The following MCCC2 variants were observed in gnomAD, a reference collection of about 807,000 sequenced individuals.
MCCC2 encodes methylcrotonoyl-CoA carboxylase beta chain, mitochondrial.
A neutral mutation model predicts 77.2 loss-of-function variants in MCCC2; 52 were observed. That is an observed-to-expected ratio of 0.67 (90% CI 0.54 to 0.85). The LOEUF is 0.85. MCCC2 is among the 40% of genes least tolerant of loss of function. MCCC2 has a pLI of 0.00. For missense variants in MCCC2, 682 were observed against 703.2 expected, an observed-to-expected ratio of 0.97 and a Z score of 0.34; for synonymous variants, 253 against 248.4, an observed-to-expected ratio of 1.02 and a Z score of -0.18.
At chr5:71,634,051 A>G (rs1580318961) in intron 8 of MCCC2, among the ~76,000 whole-genome samples, 1 of 152,216 alleles carries the variant, frequency 6.6e-6, no homozygotes, top group Non-Finnish European at 1.5e-5. Flanking sequence ...ATGTCTCCCA[A>G]GGAGTTTGGT....
intron 12 of MCCC2, 100 bp downstream of exon 12, chr5:71,643,995 C>T: frequency 7.0e-7 from 1 of 1,419,596 alleles, no homozygotes; most frequent in Non-Finnish European, 9.7e-7. Flanking sequence ...AAATGCTTAA[C>T]TAGATGCCTC....
At chr5:71,607,775 G>A (rs1745748737) in intron 6 of MCCC2, among the ~76,000 whole-genome samples, 1 of 150,122 alleles carries the variant, frequency 6.7e-6, no homozygotes, top group South Asian at 2.1e-4. Context: ...GGTATGTTGT[G>A]TCTTTGTTCT....
At chr5:71,604,272 T>A in intron 5 of MCCC2, 84 bp from the exon 6 acceptor site, 2 of 1,165,194 alleles carry the variant, frequency 1.7e-6, no homozygotes, top group Non-Finnish European at 2.6e-6. Context: ...GATTAAGAAC[T>A]GATGCTGTCA....
At chr5:71,653,218 C>T (rs2242371) in intron 16 of MCCC2, among the ~76,000 whole-genome samples, 118,490 of 152,170 alleles carry the variant, frequency 0.78, 48,177 homozygotes, top group East Asian at 0.98. Context: ...TATGCTTGTA[C>T]GTTTGAAAGG....
At chr5:71,594,569 T>G (rs10044572) in intron 2 of MCCC2, among the ~76,000 whole-genome samples, 121,189 of 149,136 alleles carry the variant, frequency 0.81, 49,345 homozygotes, top group East Asian at 0.88. Context: ...CAATGGAGGG[T>G]TGAGGAGTCC....
intron 11 of MCCC2, among the ~76,000 whole-genome samples, chr5:71,642,735 G>T (rs1405432384): frequency 6.6e-6 from 1 of 152,204 alleles, no homozygotes; most frequent in Non-Finnish European, 1.5e-5. Context: ...TCTGTAAGTG[G>T]CAGTGCCATT....
chr5:71,611,661 C>G (rs1009673607), intron 6 of MCCC2, among the ~76,000 whole-genome samples: 4 of 152,140 alleles, frequency 2.6e-5, no homozygotes, highest in Non-Finnish European at 5.9e-5. Context: ...TGTGTATAAA[C>G]ATGCACGTGG....
In MCCC2 at chr5:71,606,960, C is replaced by T. The variant is rs992903460; in HGVS notation, c.624+2492C>T. The stretch of plus-strand genomic sequence containing the variant: ...CATGGTGGATAAGCTTTTTGATGTG[C>T]TGCTGGATGCGTTTTGCCAGTATTT... On this transcript the variant is annotated intron_variant, in intron 6 of 16. Transcript: ENST00000340941. 3.1e-4 allele frequency among the ~76,000 whole-genome samples: 47 copies of T among 151,408 alleles called. 2 individuals carry two copies. The South Asian group carries it at 5.9e-3, about 19-fold the overall frequency.
chr5:71,635,532 A>G, intron 10 of MCCC2: 1 of 441,938 alleles, frequency 2.3e-6, no homozygotes, highest in Non-Finnish European at 4.2e-6. Context: ...TGTGCACATT[A>G]TGAATGATGT....
chr5:71,605,281 G>A (rs1745624937), intron 6 of MCCC2, among the ~76,000 whole-genome samples: 1 of 151,426 alleles, frequency 6.6e-6, no homozygotes, highest in South Asian at 2.1e-4. Flanking sequence ...ATTCTAACTG[G>A]TGTGAGATGG....
intron 10 of MCCC2, among the ~76,000 whole-genome samples, chr5:71,638,422 T>C (rs1203752835): frequency 1.3e-5 from 2 of 152,142 alleles, no homozygotes; most frequent in African/African-American, 2.4e-5. Flanking sequence ...ATATTCTCAA[T>C]GGCATCTAGA....
intron 8 of MCCC2, among the ~76,000 whole-genome samples, chr5:71,633,119 A>ATTTTTTTTTTT: frequency 3.5e-5 from 1 of 28,712 alleles, no homozygotes; most frequent in African/African-American, 9.1e-5. Flanking sequence ...ATATATATAT[A>ATTTTTTTTTTT]TATATATATA....
At chr5:71,588,699 G>T (rs935784744) in intron 1 of MCCC2, among the ~76,000 whole-genome samples, 2 of 152,176 alleles carry the variant, frequency 1.3e-5, no homozygotes, top group Admixed American at 6.6e-5. Context: ...TGAATCTTGG[G>T]TAAGAGCTGG....
chr5:71,622,648 T>A (rs762023632), intron 6 of MCCC2, among the ~76,000 whole-genome samples: 15 of 152,216 alleles, frequency 9.9e-5, no homozygotes, highest in Non-Finnish European at 1.9e-4. Context: ...TCTGGACATT[T>A]CATGTAAAGG....
intron 6 of MCCC2, among the ~76,000 whole-genome samples, chr5:71,616,118 C>A (rs150394475): frequency 1.3e-5 from 2 of 152,208 alleles, no homozygotes; most frequent in African/African-American, 4.8e-5. Flanking sequence ...ATTCCCACTC[C>A]GCGGGGACAG....
At chr5:71,651,210 T>C (rs902425818) in intron 15 of MCCC2, among the ~76,000 whole-genome samples, 2 of 152,182 alleles carry the variant, frequency 1.3e-5, no homozygotes, top group African/African-American at 4.8e-5. Context: ...GCAGCAGAAT[T>C]TTGTTCTTTC....
intron 6 of MCCC2, among the ~76,000 whole-genome samples, chr5:71,610,707 C>G (rs1016932715): frequency 6.6e-6 from 1 of 152,204 alleles, no homozygotes; most frequent in Non-Finnish European, 1.5e-5. Flanking sequence ...AGGTTTTAGG[C>G]CAGGCGCGGT....
intron 6 of MCCC2, among the ~76,000 whole-genome samples, chr5:71,617,655 TAA>T (rs1746207671): frequency 6.6e-6 from 1 of 152,238 alleles, no homozygotes; most frequent in Non-Finnish European, 1.5e-5. Flanking sequence ...GTTTATTATA[TAA>T]GTTAATCACT....
At chr5:71,635,927 A>C (rs1197740446) in intron 10 of MCCC2, 1 of 160,248 alleles carries the variant, frequency 6.2e-6, no homozygotes, top group Non-Finnish European at 1.4e-5. Context: ...GAAAATACAG[A>C]AAAGAAAAAA....
Sources: allele counts gnomAD v4.1 joint callset (sites outside exome capture counted in the v4.1 genomes callset), GRCh38; gene constraint gnomAD v4.1.1; transcripts MANE v1.5; gene names NCBI Gene and HGNC (gene_info 2026-07-23, HGNC 2026-07-21).